Variants in SLC22A4 observed in about 807,000 individuals in gnomAD.
The protein encoded by SLC22A4 is ET transporter.
Under a neutral mutation model 56.6 loss-of-function variants are expected in SLC22A4, and 39 were observed. That is an observed-to-expected ratio of 0.69 (90% CI 0.53 to 0.90). SLC22A4 has a LOEUF of 0.90. Ranked by LOEUF, SLC22A4 falls within the 40% of genes least tolerant of loss-of-function variation. The pLI, the probability that SLC22A4 is intolerant of heterozygous loss-of-function variation, is 0.00. For missense variants in SLC22A4, 594 were observed against 696.5 expected, an observed-to-expected ratio of 0.85 and a Z score of 1.66; for synonymous variants, 241 against 281.4, an observed-to-expected ratio of 0.86 and a Z score of 1.44.
chr5:132,313,586 A>G (rs1319180037), intron 2 of SLC22A4, 28 bp from the exon 3 acceptor site: 1 of 1,610,558 alleles, frequency 6.2e-7, no homozygotes, highest in Non-Finnish European at 8.5e-7. Flanking sequence ...TACACATCTC[A>G]TGTTTTGTGT....
At chr5:132,315,137 T>C (rs1431503610) in intron 3 of SLC22A4, among the ~76,000 whole-genome samples, 1 of 152,224 alleles carries the variant, frequency 6.6e-6, no homozygotes, top group Non-Finnish European at 1.5e-5. Context: ...GCAAAGCCTA[T>C]TGTCTTCATG....
rs532220421 is a variant in SLC22A4 at position 132,338,615 on chromosome 5, C to T, written c.1445-1950C>T. ...CCAAAGTGGCCATTTTAGAGGCCTACCCTCAGGGACGAATTGTCTTTCTCA... is the reference window on the plus strand; with the variant it reads ...CCAAAGTGGCCATTTTAGAGGCCTATCCTCAGGGACGAATTGTCTTTCTCA... On this transcript the variant is annotated intron_variant, in intron 8 of 9. Transcript: ENST00000200652. Among the ~76,000 whole-genome samples, 40 of 152,260 alleles carry T rather than the reference C, an allele frequency of 2.6e-4. 1 individual carries two copies. The South Asian group carries it at 8.1e-3, about 31-fold the overall frequency.
chr5:132,312,103 C>A, intron 1 of SLC22A4, 58 bp from the exon 2 acceptor site: 1 of 1,002,248 alleles, frequency 1.0e-6, no homozygotes, highest in Non-Finnish European at 1.6e-6. Flanking sequence ...CAGAGCTGGG[C>A]TGGGGTTGAG....
chr5:132,327,962 G>A (rs1332884238), intron 5 of SLC22A4, among the ~76,000 whole-genome samples: 1 of 152,192 alleles, frequency 6.6e-6, no homozygotes, highest in Non-Finnish European at 1.5e-5. Flanking sequence ...CTGACAGTTC[G>A]TGAGGATATG....
intron 7 of SLC22A4, 96 bp from the exon 8 acceptor site, chr5:132,335,722 G>C (rs1580846892): frequency 8.1e-6 from 8 of 985,226 alleles, no homozygotes; most frequent in Non-Finnish European, 1.3e-5. Flanking sequence ...GTTAATAAAA[G>C]TACTCCCACT....
intron 1 of SLC22A4, among the ~76,000 whole-genome samples, chr5:132,298,655 T>C (rs1175775602): frequency 6.6e-6 from 1 of 152,234 alleles, no homozygotes; most frequent in Non-Finnish European, 1.5e-5. Context: ...AGAAGCCACC[T>C]TATCTGAGTT....
chr5:132,329,796 C>A (rs1180666133), intron 5 of SLC22A4, among the ~76,000 whole-genome samples: 1 of 152,218 alleles, frequency 6.6e-6, no homozygotes, highest in East Asian at 1.9e-4. Flanking sequence ...TGGATACAAG[C>A]ATATTCTTGT....
intron 8 of SLC22A4, among the ~76,000 whole-genome samples, chr5:132,339,474 G>A (rs202067315): frequency 1.0e-4 from 4 of 38,870 alleles, no homozygotes; most frequent in African/African-American, 6.5e-4. Flanking sequence ...TGGTACACAC[G>A]TACACACACA....
At chr5:132,343,582 A>T (rs1188871731) in intron 9 of SLC22A4, among the ~76,000 whole-genome samples, 178 bp from the exon 10 acceptor site, 1 of 152,076 alleles carries the variant, frequency 6.6e-6, no homozygotes, top group Non-Finnish European at 1.5e-5. Flanking sequence ...TTAAGAAAGT[A>T]GCCTCAGATG....
intron 4 of SLC22A4, among the ~76,000 whole-genome samples, chr5:132,323,117 GTCTC>G (rs567655082): frequency 9.8e-4 from 149 of 152,282 alleles, no homozygotes; most frequent in Non-Finnish European, 1.6e-3. Context: ...GTCTGGTTCT[GTCTC>G]TCTCTCATTC....
chr5:132,303,124 C>T (rs272838), intron 1 of SLC22A4, among the ~76,000 whole-genome samples: 21,937 of 152,162 alleles, frequency 0.14, 1,933 homozygotes, highest in South Asian at 0.31. Context: ...AAAAGACAAC[C>T]TGATTTAAAA....
In SLC22A4 at chr5:132,334,561, T is replaced by A. The variant is rs553391246; in HGVS notation, c.1047-157T>A. ...TGGCTAGTGTAACTAAGGAACTGAA[T>A]TTGTAATCTTATTTAATTTTAATTT... is the stretch of plus-strand genomic sequence containing the variant. On this transcript the variant is annotated intron_variant, in intron 6 of 9. Transcript: ENST00000200652. 1.6e-4 allele frequency among the ~76,000 whole-genome samples: 25 copies of A among 152,336 alleles called. No homozygotes were observed. In the East Asian group the frequency reaches 4.6e-3, roughly 28 times the overall value.
intron 1 of SLC22A4, among the ~76,000 whole-genome samples, chr5:132,306,862 A>G (rs1225441811): frequency 6.6e-6 from 1 of 152,176 alleles, no homozygotes; most frequent in African/African-American, 2.4e-5. Flanking sequence ...AAAACACTAT[A>G]TATTGTATGA....
Position 132,294,775 on chromosome 5 carries a change from G to T in SLC22A4, c.159G>T (p.Pro53=), listed in dbSNP as rs375954722. 2 of 1,613,468 alleles carry T rather than the reference G, an allele frequency of 1.2e-6. No individual in the cohort carries two copies. Among genetic ancestry groups the T allele is most frequent in the Non-Finnish European group, 1.7e-6 (2 of 1,180,014 alleles). The stretch of plus-strand genomic sequence containing the variant: ...CCCCGGAGCACCGCTGTCGAGTGCC[G>T]GACGCCGCGAACCTGAGCAGCGCCT... The part of the protein sequence containing the change: ...AGTPEHRCRV[P]DAANLSSAWR... Residue 53 remains proline (P), a synonymous_variant, in exon 1 of 10, where the codon CCG becomes CCT. Transcript: ENST00000200652. The surrounding 1 kb of genome is among the most constrained non-coding windows in gnomAD (Gnocchi z 5.6).
intron 1 of SLC22A4, among the ~76,000 whole-genome samples, chr5:132,305,080 T>TA (rs1395173593): frequency 2.0e-5 from 3 of 152,144 alleles, no homozygotes; most frequent in African/African-American, 7.2e-5. Context: ...CCTTGTCTCT[T>TA]AAACAAACAA....
intron 1 of SLC22A4, among the ~76,000 whole-genome samples, chr5:132,298,378 G>T (rs996076456): frequency 3.3e-5 from 5 of 152,230 alleles, no homozygotes; most frequent in Admixed American, 1.3e-4. Context: ...CCAGTCACAA[G>T]ACAAATTATT....
intron 5 of SLC22A4, 65 bp from the exon 6 acceptor site, chr5:132,331,691 C>T (rs1252477849): frequency 3.4e-6 from 4 of 1,159,544 alleles, no homozygotes; most frequent in Non-Finnish European, 5.2e-6. Context: ...CCCCATGCAT[C>T]ATAGCCAAAG....
chr5:132,328,874 TATAA>T (rs986346472), intron 5 of SLC22A4, among the ~76,000 whole-genome samples: 2 of 149,062 alleles, frequency 1.3e-5, no homozygotes, highest in African/African-American at 4.9e-5. Flanking sequence ...CACACGCATA[TATAA>T]ATGTGTATAT....
intron 1 of SLC22A4, 162 bp downstream of exon 1, chr5:132,295,171 G>A (rs910650188): frequency 1.9e-5 from 16 of 846,956 alleles, no homozygotes; most frequent in Admixed American, 1.2e-4. Flanking sequence ...GAAAGAATAG[G>A]ACTCACGCGA....
Sources: allele counts gnomAD v4.1 joint callset (sites outside exome capture counted in the v4.1 genomes callset), GRCh38; gene constraint gnomAD v4.1.1; non-coding constraint Gnocchi (gnomAD v3.1); transcripts MANE v1.5; gene names NCBI Gene and HGNC (gene_info 2026-07-23, HGNC 2026-07-21).